Variants in WWTR1 observed in about 807,000 individuals in gnomAD.
WWTR1 encodes WW domain containing transcription regulator 1, also known as WW domain-containing transcription regulator protein 1.
A neutral mutation model predicts 40.1 loss-of-function variants in WWTR1; 13 were observed. The ratio of observed to expected loss-of-function variants is 0.32; its 90% CI spans 0.21 to 0.52. The LOEUF is 0.52. Among genes scored for constraint, WWTR1 ranks in the 20% least tolerant of loss-of-function variants. WWTR1 has a pLI of 0.97. For missense variants in WWTR1, 436 were observed against 523.1 expected (o/e 0.83, Z 1.63); for synonymous variants, 230 against 210.1 (o/e 1.09, Z -0.82).
chr3:149,527,787 T>C, intron 5 of WWTR1, 49 bp downstream of exon 5: 1 of 1,608,654 alleles, frequency 6.2e-7, no homozygotes, highest in Non-Finnish European at 8.5e-7. Flanking sequence ...ATAGTCTAGA[T>C]CACATAATAA....
At chr3:149,543,481 C>A (rs1462321361) in intron 3 of WWTR1, among the ~76,000 whole-genome samples, 1 of 144,236 alleles carries the variant, frequency 6.9e-6, no homozygotes, top group Non-Finnish European at 1.5e-5. Context: ...ACTCAGGAGG[C>A]AAAGGTCAGG....
intron 2 of WWTR1, among the ~76,000 whole-genome samples, chr3:149,618,382 G>A (rs1031633979): frequency 3.3e-5 from 5 of 152,118 alleles, no homozygotes; most frequent in South Asian, 2.1e-4. Flanking sequence ...AACATCTCTC[G>A]AGCATCCATC....
intron 2 of WWTR1, among the ~76,000 whole-genome samples, chr3:149,609,232 A>G (rs1285204796): frequency 2.0e-5 from 3 of 152,188 alleles, no homozygotes; most frequent in Non-Finnish European, 2.9e-5. Context: ...GACTCCTCAA[A>G]GCCATCCAAC....
chr3:149,573,107 G>T, intron 2 of WWTR1, 107 bp from the exon 3 acceptor site: 2 of 1,212,682 alleles, frequency 1.6e-6, no homozygotes, highest in Non-Finnish European at 2.3e-6. Context: ...CTTAGGATCT[G>T]CTTGAGTGGT....
At chr3:149,679,448 C>T (rs1008345530) in intron 1 of WWTR1, among the ~76,000 whole-genome samples, 3 of 152,166 alleles carry the variant, frequency 2.0e-5, no homozygotes, top group Admixed American at 6.5e-5. Context: ...CCTCTTTTCT[C>T]TGTACTGTTC....
chr3:149,672,193 G>A (rs1714111648), intron 1 of WWTR1, among the ~76,000 whole-genome samples: 1 of 152,212 alleles, frequency 6.6e-6, no homozygotes, highest in Non-Finnish European at 1.5e-5. Context: ...GAGGCTTTAT[G>A]TGGCCGCAAA....
At chr3:149,638,945 C>T (rs950988886) in intron 2 of WWTR1, among the ~76,000 whole-genome samples, 3 of 152,130 alleles carry the variant, frequency 2.0e-5, no homozygotes, top group Admixed American at 1.3e-4. Flanking sequence ...GCAAAAACAC[C>T]GCAGAGGCTA....
In WWTR1 at chr3:149,544,682, C is replaced by T. The variant is rs187142135; in HGVS notation, c.569-2145G>A. On this transcript the variant is annotated intron_variant, in intron 3 of 6. Transcript: ENST00000360632. ...TTGTACCCCGTCCAACTGTCCCTAG[C>T]CACCTTCTGTCACATCTTAGACTGA... 1.3e-3 allele frequency among the ~76,000 whole-genome samples: 193 copies of T among 152,270 alleles called. 1 individual carries two copies. Among genetic ancestry groups the T allele is most frequent in the Middle Eastern group, 3.4e-3 (1 of 294 alleles).
intron 2 of WWTR1, among the ~76,000 whole-genome samples, chr3:149,632,240 A>G (rs1250990318): frequency 6.6e-6 from 1 of 152,120 alleles, no homozygotes; most frequent in African/African-American, 2.4e-5. Flanking sequence ...AAATTTATTT[A>G]CTTATTTATT....
At chr3:149,544,881 G>A (rs1027978900) in intron 3 of WWTR1, among the ~76,000 whole-genome samples, 3 of 152,184 alleles carry the variant, frequency 2.0e-5, no homozygotes, top group Non-Finnish European at 4.4e-5. Flanking sequence ...ACAACTCTGG[G>A]CCCAATAACA....
chr3:149,665,599 G>A (rs1429572642), intron 2 of WWTR1, among the ~76,000 whole-genome samples: 2 of 152,140 alleles, frequency 1.3e-5, no homozygotes, highest in Non-Finnish European at 2.9e-5. Context: ...TGAAGATTCT[G>A]ATAGTTATTT....
At position 149,552,849 on chromosome 3, in the gene WWTR1, G is replaced by C. The variant is rs75963858; in HGVS notation, c.569-10312C>G. Among the ~76,000 whole-genome samples the C allele has an allele frequency of 3.3e-4, 50 of 152,262 alleles. No homozygotes were observed. The East Asian group carries it at 6.2e-3, about 19-fold the overall frequency. On this transcript the variant is annotated intron_variant, in intron 3 of 6. Transcript: ENST00000360632. ...AGCAGAGGCTATCCTTATGTCCCAG[G>C]GTTCTTTCATCAGCTGAGGAAATTA...
Position 149,519,434 on chromosome 3 carries a change from A to G in WWTR1, c.*1371T>C, listed in dbSNP as rs1434612474. ...ATCCTTCAGTTTCATAGATAGAATT[A>G]TTTTAAACACTTGAAATCTAGGAAG... On this transcript the variant is annotated 3_prime_UTR_variant, in exon 7 of 7. Coordinates refer to ENST00000360632, the MANE Select transcript of WWTR1 (RefSeq NM_015472.6). 1 of 152,238 alleles carries G rather than the reference A, an allele frequency of 6.6e-6. No individual in the cohort carries two copies. Among genetic ancestry groups the G allele is most frequent in the Non-Finnish European group, 1.5e-5 (1 of 68,038 alleles). 9.4% of individuals were successfully genotyped at this position (152,238 alleles called of 1,614,324 possible).
intron 1 of WWTR1, among the ~76,000 whole-genome samples, chr3:149,675,768 G>A (rs1714239409): frequency 6.6e-6 from 1 of 151,866 alleles, no homozygotes; most frequent in Non-Finnish European, 1.5e-5. Context: ...CCAGGCTGGA[G>A]TGCAGTGGCA....
chr3:149,524,327 G>GT (rs3044124), intron 6 of WWTR1, among the ~76,000 whole-genome samples: 11,069 of 138,844 alleles, frequency 0.08, 554 homozygotes, highest in Middle Eastern at 0.092. Flanking sequence ...CTCTTTTATG[G>GT]TTTTTTTTTT....
chr3:149,560,197 G>A (rs1440063171), intron 3 of WWTR1, among the ~76,000 whole-genome samples: 1 of 152,194 alleles, frequency 6.6e-6, no homozygotes, highest in African/African-American at 2.4e-5. Flanking sequence ...TATGAAATAG[G>A]GAATGCCTCA....
intron 2 of WWTR1, among the ~76,000 whole-genome samples, chr3:149,621,799 G>A (rs1229712347): frequency 2.0e-5 from 3 of 152,230 alleles, no homozygotes; most frequent in African/African-American, 4.8e-5. Flanking sequence ...CGATGGACCA[G>A]TGACCTAACA....
chr3:149,692,380 C>T (rs1435628158), intron 1 of WWTR1, among the ~76,000 whole-genome samples: 1 of 152,112 alleles, frequency 6.6e-6, no homozygotes, highest in Non-Finnish European at 1.5e-5. Flanking sequence ...TACATCATAT[C>T]AACAGAAGAT....
At chr3:149,718,727 T>TAAAA (rs1559849123) in intron 4 of WWTR1, among the ~76,000 whole-genome samples, 4 of 152,218 alleles carry the variant, frequency 2.6e-5, no homozygotes, top group African/African-American at 4.8e-5. Context: ...TGGGATCATA[T>TAAAA]AGTATTTGTT....
Sources: gnomAD v4.1 joint callset for allele counts (sites outside exome capture counted in the v4.1 genomes callset) on GRCh38, gnomAD v4.1.1 for gene constraint, MANE v1.5 for transcripts, NCBI Gene and HGNC (gene_info 2026-07-23, HGNC 2026-07-21) for gene names.